The following MEGF10 variants were observed in gnomAD, a reference collection of about 807,000 sequenced individuals.
The protein encoded by MEGF10 is multiple EGF like domains 10, also known as multiple epidermal growth factor-like domains protein 10.
Under a neutral mutation model 147.5 loss-of-function variants are expected in MEGF10, and 86 were observed. The observed-to-expected ratio is 0.58, with a 90% CI of 0.49 to 0.70. The LOEUF is 0.70. MEGF10 is among the 30% of genes least tolerant of loss of function. The pLI is 0.00. For missense variants in MEGF10, 1,329 were observed against 1,487.3 expected (o/e 0.89, Z 1.75); for synonymous variants, 478 against 525.5 (o/e 0.91, Z 1.24).
chr5:127,240,705 ACAT>A, the MEGF10 span, among the ~76,000 whole-genome samples: 11 of 152,210 alleles, frequency 7.2e-5, no homozygotes, highest in Admixed American at 3.3e-4. Flanking sequence ...GCAGCAGTTC[ACAT>A]CATTCTGTCA....
At chr5:127,375,668 C>T (rs1762998261) in intron 5 of MEGF10, among the ~76,000 whole-genome samples, 1 of 152,218 alleles carries the variant, frequency 6.6e-6, no homozygotes, top group African/African-American at 2.4e-5. Context: ...TTCCCCCCAT[C>T]AATTTATCTG....
At chr5:127,421,689 G>A (rs1315033455) in intron 12 of MEGF10, among the ~76,000 whole-genome samples, 1 of 152,056 alleles carries the variant, frequency 6.6e-6, no homozygotes, top group Admixed American at 6.5e-5. Flanking sequence ...TATTTTGTGT[G>A]GCTTAGACTT....
intron 22 of MEGF10, among the ~76,000 whole-genome samples, chr5:127,450,539 C>T (rs1376505504): frequency 2.0e-5 from 3 of 152,076 alleles, no homozygotes; most frequent in Non-Finnish European, 2.9e-5. Context: ...CAGTGTCTTA[C>T]GGATAGCAAA....
intron 5 of MEGF10, among the ~76,000 whole-genome samples, chr5:127,377,532 G>A (rs1039481950): frequency 4.6e-5 from 7 of 152,190 alleles, no homozygotes; most frequent in Non-Finnish European, 8.8e-5. Context: ...ATATCCCTAG[G>A]AGGCAAGACT....
chr5:127,401,913 C>G (rs1764149007), intron 7 of MEGF10, among the ~76,000 whole-genome samples: 1 of 152,136 alleles, frequency 6.6e-6, no homozygotes, highest in Non-Finnish European at 1.5e-5. Flanking sequence ...GATCTTGGCT[C>G]AGCAATGCTT....
chr5:127,433,425 T>G lies in MEGF10; in HGVS notation c.1756T>G (p.Tyr586Asp). Reference protein sequence around the residue: ...RWGPNCSLPCYCKNGASCSPD... With the variant: ...RWGPNCSLPCDCKNGASCSPD... ...GGGCCCCAACTGCTCCCTGCCCTGC[T>G]ACTGTAAAAATGGGGCTTCATGCTC... is the stretch of plus-strand genomic sequence containing the variant. Residue 586 changes from tyrosine (Y) to aspartate (D), a missense_variant, in exon 14 of 25, where the codon TAC (tyrosine) becomes GAC (aspartate). Tyr to Asp is a radical substitution (Grantham distance 160). Transcript: ENST00000503335. 6.2e-7 allele frequency: 1 copy of G among 1,614,106 alleles called. No homozygotes were observed.
At chr5:127,230,125 G>C in the MEGF10 span, among the ~76,000 whole-genome samples, 1 of 152,094 alleles carries the variant, frequency 6.6e-6, no homozygotes, top group Non-Finnish European at 1.5e-5. Flanking sequence ...TTCCCCAAGT[G>C]TGAAGTACTA....
At chr5:127,319,530 G>A (rs1219572378) in intron 1 of MEGF10, among the ~76,000 whole-genome samples, 1 of 152,186 alleles carries the variant, frequency 6.6e-6, no homozygotes, top group South Asian at 2.1e-4. Context: ...GAAAAAAGAA[G>A]GCATCATTGC....
chr5:127,298,639 T>C (rs1193127087), intron 1 of MEGF10, among the ~76,000 whole-genome samples: 1 of 152,160 alleles, frequency 6.6e-6, no homozygotes, highest in Non-Finnish European at 1.5e-5. Context: ...TTGTTGGACT[T>C]ATAGTGCCCC....
At chr5:127,242,196 C>A in the MEGF10 span, among the ~76,000 whole-genome samples, 1 of 152,186 alleles carries the variant, frequency 6.6e-6, no homozygotes, top group East Asian at 1.9e-4. Flanking sequence ...GTGGCATTAT[C>A]ATAGGATGTT....
chr5:127,315,495 G>T (rs956644813), intron 1 of MEGF10, among the ~76,000 whole-genome samples: 9 of 152,086 alleles, frequency 5.9e-5, no homozygotes, highest in African/African-American at 1.9e-4. Flanking sequence ...TATGAATCTT[G>T]CCGGGCGTGG....
At chr5:127,436,124 G>A (rs1765546774) in intron 16 of MEGF10, among the ~76,000 whole-genome samples, 1 of 152,162 alleles carries the variant, frequency 6.6e-6, no homozygotes, top group Non-Finnish European at 1.5e-5. Context: ...AATAGCATAT[G>A]TATGGAGTAA....
In MEGF10 at chr5:127,422,705, C is replaced by A; in HGVS notation, c.1626C>A (p.Cys542Ter). 2.5e-6 allele frequency: 4 copies of A among 1,613,952 alleles called. No homozygotes were observed. Among genetic ancestry groups the A allele is most frequent in the Non-Finnish European group, 3.4e-6 (4 of 1,179,934 alleles). The change falls in exon 13 of 25, where the codon TGC (cysteine) becomes TGA (stop). Residue 542 changes from cysteine to a stop codon, truncating the protein, a stop_gained. Transcript: ENST00000503335. LOFTEE classifies it high-confidence loss of function. ...GTYGLNCAER[C>*]DCSHADGCHP... ...ACGGGCTGAACTGTGCTGAGCGCTGCGACTGCAGCCACGCAGATGGCTGCC... is the reference window on the plus strand; with the variant it reads ...ACGGGCTGAACTGTGCTGAGCGCTGAGACTGCAGCCACGCAGATGGCTGCC...
chr5:127,380,835 G>A (rs186842201), intron 5 of MEGF10, among the ~76,000 whole-genome samples: 2 of 152,218 alleles, frequency 1.3e-5, no homozygotes, highest in East Asian at 1.9e-4. Context: ...CATTCTTAAT[G>A]ACTTGGCAGA....
chr5:127,329,043 CTG>C (rs1286009239), intron 1 of MEGF10, among the ~76,000 whole-genome samples: 15 of 152,124 alleles, frequency 9.9e-5, no homozygotes, highest in African/African-American at 3.4e-4. Context: ...TGGCTCAGTA[CTG>C]TGTCTGGCAC....
the MEGF10 span, among the ~76,000 whole-genome samples, chr5:127,247,482 G>C: frequency 6.7e-6 from 1 of 148,808 alleles, no homozygotes; most frequent in Non-Finnish European, 1.5e-5. Context: ...AGAAGAAGAA[G>C]AAGAAAAATT....
chr5:127,276,048 T>C, the MEGF10 span, among the ~76,000 whole-genome samples: 1 of 152,192 alleles, frequency 6.6e-6, no homozygotes, highest in Non-Finnish European at 1.5e-5. Context: ...AGGAAAGTCT[T>C]GCTAGGGGCT....
At chr5:127,445,945 T>C (rs1178569818) in intron 20 of MEGF10, among the ~76,000 whole-genome samples, 2 of 152,190 alleles carry the variant, frequency 1.3e-5, no homozygotes, top group African/African-American at 2.4e-5. Flanking sequence ...ATTTAGGGAA[T>C]TTCAATCCAT....
intron 5 of MEGF10, among the ~76,000 whole-genome samples, chr5:127,379,777 T>G (rs945608184): frequency 6.6e-5 from 10 of 151,920 alleles, no homozygotes; most frequent in African/African-American, 2.2e-4. Flanking sequence ...TTTTTGTATT[T>G]TTAGTAGAGA....
Sources: gnomAD v4.1 joint callset for allele counts (sites outside exome capture counted in the v4.1 genomes callset) on GRCh38, gnomAD v4.1.1 for gene constraint, MANE v1.5 for transcripts, NCBI Gene and HGNC (gene_info 2026-07-23, HGNC 2026-07-21) for gene names.